The following PPFIA2 variants were observed in gnomAD, a reference collection of about 807,000 sequenced individuals.
PPFIA2 encodes the protein PPFI scaffold protein A2, also known as liprin-alpha-2.
A neutral mutation model predicts 175.5 loss-of-function variants in PPFIA2; 46 were observed. That is an observed-to-expected ratio of 0.26 (90% confidence interval 0.21 to 0.34). The LOEUF is 0.34. Ranked by LOEUF, PPFIA2 falls within the 10% of genes least tolerant of loss-of-function variation. The pLI, the probability that PPFIA2 is intolerant of heterozygous loss-of-function variation, is 1.00. For missense variants in PPFIA2, 1,179 were observed against 1,506.1 expected (o/e 0.78, Z 3.60); for synonymous variants, 568 against 511.4 (o/e 1.11, Z -1.49).
chr12:81,755,761 T>C (rs2084549682), intron 2 of PPFIA2, among the ~76,000 whole-genome samples: 1 of 152,110 alleles, frequency 6.6e-6, no homozygotes, highest in Admixed American at 6.5e-5. Context: ...TGCTCATTGC[T>C]CATAACACTG....
At chr12:81,315,141 C>T (rs993249433) in intron 22 of PPFIA2, among the ~76,000 whole-genome samples, 8 of 151,740 alleles carry the variant, frequency 5.3e-5, no homozygotes, top group Non-Finnish European at 1.0e-4. Context: ...AACTCATCAG[C>T]AGAAGATTCA....
chr12:81,415,230 TATATATATATATATATATATATATATATG>T, intron 7 of PPFIA2, among the ~76,000 whole-genome samples: 1 of 73,688 alleles, frequency 1.4e-5, no homozygotes, highest in Non-Finnish European at 2.7e-5. Flanking sequence ...TATATATATA[TATATATATATATATATATATATATATATG>T]TTTGTAAGAA....
chr12:81,450,482 G>T (rs192039344), intron 5 of PPFIA2, among the ~76,000 whole-genome samples: 2 of 152,216 alleles, frequency 1.3e-5, no homozygotes, highest in East Asian at 3.9e-4. Context: ...TTTTGATAGG[G>T]TTGTTTGTTT....
chr12:81,534,359 AT>A (rs1225416075), intron 4 of PPFIA2, among the ~76,000 whole-genome samples: 1 of 151,700 alleles, frequency 6.6e-6, no homozygotes, highest in Admixed American at 6.6e-5. Flanking sequence ...ACCACATAAA[AT>A]TGAGAAATTT....
At chr12:81,741,388 T>C (rs893431948) in intron 3 of PPFIA2, among the ~76,000 whole-genome samples, 3 of 152,216 alleles carry the variant, frequency 2.0e-5, no homozygotes, top group South Asian at 2.1e-4. Context: ...AGAGTAGATA[T>C]GGAGAATGTA....
At chr12:81,533,326 AC>A (rs2064865092) in intron 4 of PPFIA2, among the ~76,000 whole-genome samples, 1 of 151,744 alleles carries the variant, frequency 6.6e-6, no homozygotes, top group Non-Finnish European at 1.5e-5. Flanking sequence ...AAGCTTACTT[AC>A]GATTGTATAA....
intron 20 of PPFIA2, 60 bp downstream of exon 20, chr12:81,341,018 G>A: frequency 1.4e-6 from 2 of 1,468,780 alleles, no homozygotes; most frequent in South Asian, 2.6e-5. Context: ...CAACAACGAA[G>A]GAAGAGGAAT....
chr12:81,366,598 A>G (rs947712145), intron 14 of PPFIA2, among the ~76,000 whole-genome samples: 6 of 151,700 alleles, frequency 4.0e-5, no homozygotes, highest in Non-Finnish European at 7.4e-5. Flanking sequence ...GCTACCCTGC[A>G]TCCTCATTGG....
chr12:81,405,746 AG>A, intron 8 of PPFIA2, 40 bp downstream of exon 8: 2 of 1,104,594 alleles, frequency 1.8e-6, no homozygotes, highest in Non-Finnish European at 2.6e-6. Flanking sequence ...TGATATAAGA[AG>A]TAAACATTTC....
chr12:81,743,490 T>C (rs1316865232), intron 3 of PPFIA2, among the ~76,000 whole-genome samples: 15 of 128,296 alleles, frequency 1.2e-4, no homozygotes, highest in Non-Finnish European at 2.3e-4. Flanking sequence ...GGCATCTTGG[T>C]AGAGTGGTGG....
At chr12:81,478,676 C>T (rs2057794001) in intron 4 of PPFIA2, among the ~76,000 whole-genome samples, 1 of 151,962 alleles carries the variant, frequency 6.6e-6, no homozygotes, top group Non-Finnish European at 1.5e-5. Context: ...CATTATTTAC[C>T]TAGTAGTCAT....
chr12:81,412,313 G>T, intron 7 of PPFIA2, among the ~76,000 whole-genome samples: 1 of 122,942 alleles, frequency 8.1e-6, no homozygotes, highest in Admixed American at 9.4e-5. Context: ...CTCTTGTGTA[G>T]ATTACATTCT....
chr12:81,474,398 C>A (rs1489080164), intron 4 of PPFIA2, among the ~76,000 whole-genome samples: 1 of 151,990 alleles, frequency 6.6e-6, no homozygotes, highest in Non-Finnish European at 1.5e-5. Flanking sequence ...CTCAAGTGAT[C>A]CACTGGCCTC....
intron 4 of PPFIA2, among the ~76,000 whole-genome samples, chr12:81,530,872 G>A (rs938362739): frequency 2.6e-5 from 4 of 151,796 alleles, no homozygotes; most frequent in African/African-American, 4.8e-5. Flanking sequence ...AGTCAGGCTC[G>A]TGATTGAAAT....
At chr12:81,675,197 CAT>C (rs1341307172) in intron 4 of PPFIA2, among the ~76,000 whole-genome samples, 10 of 115,274 alleles carry the variant, frequency 8.7e-5, no homozygotes, top group East Asian at 2.4e-4. Context: ...ACTATACACA[CAT>C]ACACACACAC....
intron 3 of PPFIA2, among the ~76,000 whole-genome samples, chr12:81,725,079 G>A (rs975253057): frequency 1.3e-5 from 2 of 150,960 alleles, no homozygotes; most frequent in Non-Finnish European, 3.0e-5. Flanking sequence ...CTGATGATTA[G>A]TGATGTTGAA....
chr12:81,286,936 C>T (rs1258163947), intron 24 of PPFIA2, among the ~76,000 whole-genome samples: 1 of 151,946 alleles, frequency 6.6e-6, no homozygotes, highest in Non-Finnish European at 1.5e-5. Flanking sequence ...TTCCCTGCTT[C>T]TAACAATGAT....
intron 4 of PPFIA2, among the ~76,000 whole-genome samples, chr12:81,558,675 T>G (rs1054386886): frequency 6.6e-6 from 1 of 152,082 alleles, no homozygotes; most frequent in African/African-American, 2.4e-5. Context: ...TTCCAAGATA[T>G]CTACAGGGAC....
intron 4 of PPFIA2, among the ~76,000 whole-genome samples, chr12:81,594,590 T>A (rs1222480418): frequency 6.6e-6 from 1 of 152,026 alleles, no homozygotes. Flanking sequence ...AAAATGTAAA[T>A]GTAGAATAGA....
Sources: gnomAD v4.1 joint callset for allele counts (sites outside exome capture counted in the v4.1 genomes callset) on GRCh38, gnomAD v4.1.1 for gene constraint, MANE v1.5 for transcripts, NCBI Gene and HGNC (gene_info 2026-07-23, HGNC 2026-07-21) for gene names.